KAZN: variants seen among roughly 807,000 people sequenced by gnomAD.
The protein encoded by KAZN is kazrin, periplakin interacting protein.
A neutral mutation model predicts 87.4 loss-of-function variants in KAZN; 40 were observed. The ratio of observed to expected loss-of-function variants is 0.46; its 90% CI spans 0.36 to 0.60. KAZN has a LOEUF of 0.60. Among genes scored for constraint, KAZN ranks in the 20% least tolerant of loss-of-function variants. The probability of loss-of-function intolerance (pLI) is 0.00; values close to 1 mark genes in which losing one functional copy is unlikely to be tolerated. For synonymous variants in KAZN, 466 were observed against 458.3 expected (o/e 1.02, Z -0.22); for missense variants, 898 against 1,073.9 (o/e 0.84, Z 2.29).
At chr1:14,457,827 T>TG (rs1356437783) in intron 2 of KAZN, among the ~76,000 whole-genome samples, 2 of 151,552 alleles carry the variant, frequency 1.3e-5, no homozygotes, top group East Asian at 3.9e-4. Context: ...TTGTTTTGTT[T>TG]TTTTTTTTGA....
intron 2 of KAZN, among the ~76,000 whole-genome samples, chr1:14,477,612 G>A (rs1027935716): frequency 1.3e-5 from 2 of 152,134 alleles, no homozygotes; most frequent in African/African-American, 4.8e-5. Context: ...CACATAGCCT[G>A]CAGCACAAGC....
chr1:14,893,296 G>C (rs1457703206), intron 1 of KAZN, among the ~76,000 whole-genome samples: 1 of 152,176 alleles, frequency 6.6e-6, no homozygotes, highest in Non-Finnish European at 1.5e-5. Context: ...AGCCCAGGAG[G>C]CAGAGGTTTC....
chr1:14,317,918 A>G (rs915301216), intron 2 of KAZN, among the ~76,000 whole-genome samples: 3 of 151,986 alleles, frequency 2.0e-5, no homozygotes, highest in African/African-American at 7.2e-5. Flanking sequence ...TGTGGTTTAC[A>G]TTATTTATCT....
At chr1:14,240,728 T>C (rs914930670) in intron 2 of KAZN, among the ~76,000 whole-genome samples, 1 of 151,740 alleles carries the variant, frequency 6.6e-6, no homozygotes, top group Admixed American at 6.5e-5. Flanking sequence ...CTCAAAATTC[T>C]TTCTGGGCCA....
chr1:14,694,175 C>A (rs1051702629), intron 1 of KAZN, among the ~76,000 whole-genome samples: 1 of 152,200 alleles, frequency 6.6e-6, no homozygotes, highest in Admixed American at 6.5e-5. Context: ...GCCTTTCGGT[C>A]GACAGTCGGC....
chr1:13,982,872 A>C (rs1638805902), intron 1 of KAZN, among the ~76,000 whole-genome samples: 2 of 150,674 alleles, frequency 1.3e-5, no homozygotes, highest in African/African-American at 4.9e-5. Context: ...CCATTGGTGT[A>C]TTTACAATCC....
chr1:15,083,716 G>A (rs1328659635), intron 8 of KAZN, among the ~76,000 whole-genome samples: 2 of 152,162 alleles, frequency 1.3e-5, no homozygotes, highest in African/African-American at 4.8e-5. Context: ...CTCACTCTGA[G>A]TCATGGCTGG....
At chr1:15,019,434 G>T (rs913678881) in intron 2 of KAZN, among the ~76,000 whole-genome samples, 1 of 152,180 alleles carries the variant, frequency 6.6e-6, no homozygotes, top group African/African-American at 2.4e-5. Flanking sequence ...TGTCACCCAG[G>T]CTGGAGTGCA....
intron 1 of KAZN, among the ~76,000 whole-genome samples, chr1:13,991,513 A>G (rs1183634654): frequency 6.6e-6 from 1 of 152,204 alleles, no homozygotes; most frequent in Non-Finnish European, 1.5e-5. Flanking sequence ...TACCTCAAGG[A>G]CAAAGATAAT....
intron 1 of KAZN, among the ~76,000 whole-genome samples, chr1:14,930,823 CT>C (rs144593603): frequency 0.23 from 35,757 of 152,158 alleles, 5,514 homozygotes; most frequent in African/African-American, 0.44. Flanking sequence ...GGCTCACTGG[CT>C]TGCCAATCAG....
intron 1 of KAZN, among the ~76,000 whole-genome samples, chr1:14,628,853 T>TC (rs1270764418): frequency 2.0e-5 from 3 of 151,216 alleles, no homozygotes; most frequent in Non-Finnish European, 4.4e-5. Context: ...TTTTTTTTTT[T>TC]TTTTTTTTTT....
intron 1 of KAZN, among the ~76,000 whole-genome samples, chr1:14,056,408 AG>A (rs1642557248): frequency 6.6e-6 from 1 of 152,206 alleles, no homozygotes; most frequent in Non-Finnish European, 1.5e-5. Flanking sequence ...CACAGGGCAA[AG>A]AGTGTGGATA....
chr1:14,191,852 AC>A (rs1646425958), intron 2 of KAZN, among the ~76,000 whole-genome samples: 1 of 152,090 alleles, frequency 6.6e-6, no homozygotes. Flanking sequence ...GGCATCCATG[AC>A]ACCAAGGACA....
chr1:14,860,928 T>C (rs939734635), intron 1 of KAZN, among the ~76,000 whole-genome samples: 1 of 152,216 alleles, frequency 6.6e-6, no homozygotes, highest in Admixed American at 6.5e-5. Context: ...TTACTTCTTA[T>C]CAGATTCGAG....
At chr1:14,744,020 C>G (rs1644191771) in intron 1 of KAZN, among the ~76,000 whole-genome samples, 1 of 152,096 alleles carries the variant, frequency 6.6e-6, no homozygotes. Context: ...CCACTCTTGG[C>G]TACTGTACAG....
intron 1 of KAZN, among the ~76,000 whole-genome samples, chr1:14,109,726 G>A (rs922734404): frequency 2.1e-5 from 3 of 143,818 alleles, no homozygotes; most frequent in African/African-American, 5.3e-5. Context: ...GCTGCATCAA[G>A]AAGGCAAAGA....
intron 2 of KAZN, among the ~76,000 whole-genome samples, chr1:14,404,217 G>A (rs1207913737): frequency 1.3e-5 from 2 of 152,296 alleles, no homozygotes; most frequent in East Asian, 3.9e-4. Flanking sequence ...TGGTGACAAA[G>A]AAAAGGGAAG....
chr1:14,836,527 G>A (rs1027205101), intron 1 of KAZN, among the ~76,000 whole-genome samples: 13 of 152,162 alleles, frequency 8.5e-5, no homozygotes, highest in Non-Finnish European at 1.6e-4. Flanking sequence ...TCCCAACTCT[G>A]AAGCTTCATT....
intron 1 of KAZN, among the ~76,000 whole-genome samples, chr1:14,891,053 C>A (rs535117701): frequency 6.7e-6 from 1 of 150,046 alleles, no homozygotes; most frequent in Non-Finnish European, 1.5e-5. Flanking sequence ...ACCGTGTTAG[C>A]CAGGATGGTC....
Sources: allele counts gnomAD v4.1 joint callset (sites outside exome capture counted in the v4.1 genomes callset), GRCh38; gene constraint gnomAD v4.1.1; transcripts MANE v1.5; gene names NCBI Gene and HGNC (gene_info 2026-07-23, HGNC 2026-07-21).